The following TMPRSS2 variants were observed in gnomAD, a reference collection of about 807,000 sequenced individuals.
TMPRSS2 encodes transmembrane serine protease 2, also known as transmembrane protease serine 2.
Under a neutral mutation model 67.4 loss-of-function variants are expected in TMPRSS2, and 59 were observed. The ratio of observed to expected loss-of-function variants is 0.88; its 90% CI spans 0.71 to 1.09. The LOEUF is 1.09. TMPRSS2 is among the 50% of genes least tolerant of loss of function. The probability of loss-of-function intolerance (pLI) is 0.00; values close to 1 mark genes in which losing one functional copy is unlikely to be tolerated. For synonymous variants in TMPRSS2, 257 were observed against 257.0 expected (o/e 1.00, Z 0.00); for missense variants, 668 against 642.7 (o/e 1.04, Z -0.43).
Position 41,473,440 on chromosome 21 carries a change from C to T in TMPRSS2, c.784G>A (p.Ala262Thr), listed in dbSNP as rs757466150. Residue 262 changes from alanine (A) to threonine (T), a missense_variant, in exon 9 of 14, where the codon GCG becomes ACG. Transcript: ENST00000332149. ...RQSRIVGGES[A>T]LPGAWPWQVS... Reference sequence around the variant, plus strand: ...TGCCAGGGCCAGGCCCCCGGGAGCGCGCTCTCGCCGCCCACAATCCTGCTC... The same window carrying T: ...TGCCAGGGCCAGGCCCCCGGGAGCGTGCTCTCGCCGCCCACAATCCTGCTC... 8.1e-5 allele frequency: 130 copies of T among 1,610,064 alleles called. No homozygotes were observed. Among genetic ancestry groups the T allele is most frequent in the Non-Finnish European group, 1.0e-4 (122 of 1,179,088 alleles).
intron 11 of TMPRSS2, among the ~76,000 whole-genome samples, chr21:41,469,432 C>T (rs374608719): frequency 4.6e-4 from 70 of 152,174 alleles, no homozygotes; most frequent in African/African-American, 1.6e-3. Context: ...TGGCACTCCC[C>T]GGCTCACGAT....
Position 41,471,857 on chromosome 21 carries a change from T to G in TMPRSS2, c.1024A>C (p.Lys342Gln). The G allele has an allele frequency of 1.9e-6, 3 of 1,613,298 alleles. No homozygotes were observed. The highest frequency in any genetic ancestry group is 2.5e-6 in the Non-Finnish European group (3 of 1,179,556). Reference sequence around the variant, plus strand: ...TTCATCAGCGCAATGTCATTGTTCTTGGTCTTGGAGTCATAATTTGGATGA... The same window carrying G: ...TTCATCAGCGCAATGTCATTGTTCTGGGTCTTGGAGTCATAATTTGGATGA... ...ISHPNYDSKT[K>Q]NNDIALMKLQ... Residue 342 changes from lysine to glutamine, a missense_variant, in exon 10 of 14, where the codon AAG becomes CAG. By Grantham distance (53) the Lys-to-Gln change is moderately conservative. Coordinates refer to ENST00000332149, the MANE Select transcript of TMPRSS2 (RefSeq NM_005656.4).
At chr21:41,470,205 G>A (rs1317503188) in intron 11 of TMPRSS2, among the ~76,000 whole-genome samples, 1 of 152,116 alleles carries the variant, frequency 6.6e-6, no homozygotes. Context: ...AAGGAAGTGG[G>A]TGGAGAGAGC....
At chr21:41,479,385 A>G (rs2091239684) in intron 6 of TMPRSS2, 103 bp from the exon 7 acceptor site, 2 of 850,576 alleles carry the variant, frequency 2.4e-6, no homozygotes, top group Non-Finnish European at 1.8e-6. Context: ...AATAAGAGGG[A>G]AAAACCTTAG....
intron 1 of TMPRSS2, among the ~76,000 whole-genome samples, chr21:41,501,212 A>C (rs1319661359): frequency 6.6e-6 from 1 of 152,232 alleles, no homozygotes; most frequent in African/African-American, 2.4e-5. Context: ...GGATAATCCT[A>C]TCTCTTCCAG....
chr21:41,472,727 G>A (rs570413089), intron 9 of TMPRSS2, among the ~76,000 whole-genome samples: 2 of 152,314 alleles, frequency 1.3e-5, no homozygotes, highest in East Asian at 3.9e-4. Flanking sequence ...GTCAAACCCA[G>A]TTCAGCCTCT....
chr21:41,495,829 C>T (rs142425263), intron 2 of TMPRSS2, among the ~76,000 whole-genome samples: 3 of 151,720 alleles, frequency 2.0e-5, no homozygotes, highest in African/African-American at 7.3e-5. Context: ...CAAGCCAGGG[C>T]AAACCCACCC....
chr21:41,473,456 A>C lies in TMPRSS2; in HGVS notation c.768T>G (p.Ile256Met), dbSNP rs17854725. ...CCGGGAGCGCGCTCTCGCCGCCCACAATCCTGCTCTGGCGGCTTGAGTTCA... is the reference window on the plus strand; with the variant it reads ...CCGGGAGCGCGCTCTCGCCGCCCACCATCCTGCTCTGGCGGCTTGAGTTCA... ...VNLNSSRQSR[I>M]VGGESALPGA... Residue 256 changes from isoleucine (I) to methionine (M), a missense_variant, in exon 9 of 14, where the codon ATT becomes ATG. Coordinates refer to ENST00000332149, the MANE Select transcript of TMPRSS2 (RefSeq NM_005656.4). The C allele has an allele frequency of 1.2e-6, 2 of 1,609,122 alleles. No homozygotes were observed. Among genetic ancestry groups the C allele is most frequent in the South Asian group, 2.2e-5 (2 of 90,466 alleles).
chr21:41,467,727 T>C lies in TMPRSS2; in HGVS notation c.1467+7A>G. 1.2e-6 allele frequency: 2 copies of C among 1,614,038 alleles called. No homozygotes were observed. The highest frequency in any genetic ancestry group is 1.1e-5 in the South Asian group (1 of 91,054). On this transcript the variant is annotated splice_region_variant and intron_variant, in intron 13 of 13. Coordinates refer to ENST00000332149, the MANE Select transcript of TMPRSS2 (RefSeq NM_005656.4). ...GAACACAGTCAGAAGGAGGACAGGA[T>C]AGTTACCCTCATTTGTCGATAAATC...
At position 41,480,670 on chromosome 21, in the gene TMPRSS2, G is replaced by C. The variant is rs915153602; in HGVS notation, c.446-68C>G. ...TTTCTTTTTTTTGAGACGGAGTCTC[G>C]CTCTGTCACCTAGGCTGAAGTGCAG... On this transcript the variant is annotated intron_variant, in intron 5 of 13. Coordinates refer to ENST00000332149, the MANE Select transcript of TMPRSS2 (RefSeq NM_005656.4). 14 of 1,562,682 alleles carry C rather than the reference G, an allele frequency of 9.0e-6. No homozygotes were observed. The East Asian group carries it at 1.4e-4, about 16-fold the overall frequency.
At chr21:41,471,650 T>C (rs905727881) in intron 10 of TMPRSS2, among the ~76,000 whole-genome samples, 156 bp downstream of exon 10, 1 of 152,186 alleles carries the variant, frequency 6.6e-6, no homozygotes, top group Non-Finnish European at 1.5e-5. Flanking sequence ...CAGGTGCTCT[T>C]AGCCTCTGTG....
rs1601559119 is a variant in TMPRSS2 at position 41,467,790 on chromosome 21, G to A, written c.1411C>T (p.Pro471Ser). The A allele has an allele frequency of 6.2e-7, 1 of 1,614,214 alleles. No individual in the cohort carries two copies. Among genetic ancestry groups the A allele is most frequent in the Non-Finnish European group, 8.5e-7 (1 of 1,180,040 alleles). Residue 471 changes from proline to serine, a missense_variant, in exon 13 of 14, where the codon CCA becomes TCA. Pro to Ser is a moderately conservative substitution (Grantham distance 74). Coordinates refer to ENST00000332149, the MANE Select transcript of TMPRSS2 (RefSeq NM_005656.4). ...WGSGCAKAYR[P>S]GVYGNVMVFT... Reference sequence around the variant, plus strand: ...ACCATCACATTCCCGTACACTCCTGGTCTGTAAGCTTTGGCACAGCCAGAA... The same window carrying A: ...ACCATCACATTCCCGTACACTCCTGATCTGTAAGCTTTGGCACAGCCAGAA...
At position 41,473,511 on chromosome 21, in the gene TMPRSS2, C is replaced by T. The variant is rs372744084; in HGVS notation, c.728-15G>A. The stretch of plus-strand genomic sequence containing the variant: ...GACCCCGCAGGCTGAGGATGACAAA[C>T]AGGAGGCCAGTGGGGTGAGACCAGC... On this transcript the variant is annotated splice_polypyrimidine_tract_variant and intron_variant, in intron 8 of 13. Transcript: ENST00000332149. 3.1e-5 allele frequency: 49 copies of T among 1,599,946 alleles called. No homozygotes were observed. The African/African-American group carries it at 6.0e-4, about 20-fold the overall frequency.
intron 1 of TMPRSS2, among the ~76,000 whole-genome samples, chr21:41,501,608 C>CAAAAAAAAA (rs57394908): frequency 1.2e-5 from 1 of 86,536 alleles, no homozygotes; most frequent in Non-Finnish European, 2.3e-5. Context: ...GACTCTGTCT[C>CAAAAAAAAA]AAAAAAAAAA....
chr21:41,466,078 G>T lies in TMPRSS2; in HGVS notation c.*64C>A. On this transcript the variant is annotated 3_prime_UTR_variant, in exon 14 of 14. Transcript: ENST00000332149. ...TCATCTCTAAGAGTAAATCATGCAC[G>T]GGGAAGCAAAACCAGCCCCATTGTT... 1 of 1,591,000 alleles carries T rather than the reference G, an allele frequency of 6.3e-7. No individual in the cohort carries two copies. Among genetic ancestry groups the T allele is most frequent in the Non-Finnish European group, 8.6e-7 (1 of 1,161,344 alleles).
At chr21:41,467,243 G>A (rs2091092865) in intron 13 of TMPRSS2, among the ~76,000 whole-genome samples, 1 of 152,152 alleles carries the variant, frequency 6.6e-6, no homozygotes, top group African/African-American at 2.4e-5. Context: ...ACAAAAAGTA[G>A]CTGGGCGTGG....
chr21:41,496,961 C>T (rs455045), intron 2 of TMPRSS2, among the ~76,000 whole-genome samples: 85,534 of 151,132 alleles, frequency 0.57, 24,881 homozygotes, highest in African/African-American at 0.7. Flanking sequence ...CTGCCTCAGC[C>T]GCCCGAGTAG....
chr21:41,493,613 G>A (rs901616998), intron 3 of TMPRSS2, among the ~76,000 whole-genome samples: 1 of 152,260 alleles, frequency 6.6e-6, no homozygotes, highest in Non-Finnish European at 1.5e-5. Flanking sequence ...GATCTTTGGC[G>A]TAGCCACTGC....
At chr21:41,506,851 C>A (rs1017027243) in intron 1 of TMPRSS2, among the ~76,000 whole-genome samples, 2 of 152,222 alleles carry the variant, frequency 1.3e-5, no homozygotes, top group African/African-American at 4.8e-5. Flanking sequence ...CTGGGAGCTC[C>A]GTGAGGTCAG....
Sources: gnomAD v4.1 joint callset for allele counts (sites outside exome capture counted in the v4.1 genomes callset) on GRCh38, gnomAD v4.1.1 for gene constraint, MANE v1.5 for transcripts, NCBI Gene and HGNC (gene_info 2026-07-23, HGNC 2026-07-21) for gene names.